The following TMEM101 variants were observed in gnomAD, a reference collection of about 807,000 sequenced individuals.
The protein encoded by TMEM101 is putative NF-kappa-B-activating protein 130.
In TMEM101, 14 loss-of-function variants were observed where a neutral mutation model predicts 26.0. That is an observed-to-expected ratio of 0.54 (90% CI 0.36 to 0.84). The LOEUF is 0.84. Among genes scored for constraint, TMEM101 ranks in the 40% least tolerant of loss-of-function variants. The probability of loss-of-function intolerance (pLI) is 0.01; values close to 1 mark genes in which losing one functional copy is unlikely to be tolerated. For missense variants in TMEM101, 292 were observed against 345.1 expected (o/e 0.85, Z 1.22); for synonymous variants, 152 against 145.1 (o/e 1.05, Z -0.34).
chr17:44,012,653 A>T (rs2049175687), intron 3 of TMEM101: 1 of 412,358 alleles, frequency 2.4e-6, no homozygotes, highest in African/African-American at 2.0e-5. Flanking sequence ...CATCAGCTCT[A>T]GGGGGCAGAG....
chr17:44,015,139 C>CA, upstream of TMEM101: 1 of 663,920 alleles, frequency 1.5e-6, no homozygotes. Context: ...ATGGAGCCTT[C>CA]AGGGCCATAT....
upstream of TMEM101, chr17:44,023,172 G>A (rs765674251): frequency 3.4e-4 from 62 of 181,866 alleles, no homozygotes; most frequent in Non-Finnish European, 6.4e-4. Flanking sequence ...CTTTTGTAAC[G>A]AGTTGTTTGG....
chr17:44,017,670 G>A (rs1354359974), upstream of TMEM101, among the ~76,000 whole-genome samples: 1 of 151,414 alleles, frequency 6.6e-6, no homozygotes, highest in Non-Finnish European at 1.5e-5. Context: ...GGCTGAGGCA[G>A]GAGAATTGCT....
chr17:44,014,632 C>T (rs2049205938), intron 1 of TMEM101, 95 bp from the exon 2 acceptor site: 4 of 1,522,386 alleles, frequency 2.6e-6, no homozygotes, highest in Non-Finnish European at 3.6e-6. Flanking sequence ...CCACTGCTCC[C>T]CCAAACCAGA....
At chr17:44,014,973 T>C (rs1426902667), upstream of TMEM101, 1 of 1,600,792 alleles carries the variant, frequency 6.2e-7, no homozygotes, top group Non-Finnish European at 8.5e-7. Context: ...GGCAGTCCGC[T>C]GCGGCCTCAC....
intron 1 of TMEM101, among the ~76,000 whole-genome samples, chr17:44,022,835 C>G (rs988865772): frequency 1.3e-5 from 2 of 152,106 alleles, no homozygotes; most frequent in South Asian, 4.1e-4. Flanking sequence ...CAAAAATGTT[C>G]TGTGTGAGAG....
At position 44,011,968 on chromosome 17, in the gene TMEM101, C is replaced by T; in HGVS notation, c.734G>A (p.Gly245Asp). The T allele has an allele frequency of 6.2e-7, 1 of 1,613,726 alleles. No homozygotes were observed. The highest frequency in any genetic ancestry group is 8.5e-7 in the Non-Finnish European group (1 of 1,179,752). The change falls in exon 4 of 4, where the codon GGC (glycine) becomes GAC (aspartate). Residue 245 changes from glycine (G) to aspartate (D), a missense_variant. Physicochemically the swap from Gly to Asp is moderately conservative, Grantham distance 94. Around this residue, in one of 2 missense-constraint regions of TMEM101, gnomAD observed 149 missense variants for 211.9 expected, o/e 0.70. Transcript: ENST00000206380. Reference sequence around the variant, plus strand: ...CAGGATGACAGCAGTTCCGAAGATGCCCACACTCTCTCCAAGGAGCTTCAT... The same window carrying T: ...CAGGATGACAGCAGTTCCGAAGATGTCCACACTCTCTCCAAGGAGCTTCAT... ...NQMKLLGESVGIFGTAVILAT... is the reference protein window; with the variant it reads ...NQMKLLGESVDIFGTAVILAT...
At chr17:44,019,318 A>T, upstream of TMEM101, 1 of 430,312 alleles carries the variant, frequency 2.3e-6, no homozygotes, top group Non-Finnish European at 4.6e-6. Flanking sequence ...CACTCACCAG[A>T]CTATGGCGGA....
upstream of TMEM101, among the ~76,000 whole-genome samples, chr17:44,017,728 A>G (rs1276433315): frequency 6.7e-6 from 1 of 149,830 alleles, no homozygotes; most frequent in East Asian, 2.0e-4. Context: ...GCGCCATTGC[A>G]CTCCAGCCTG....
At chr17:44,020,449 G>T (rs546323232) in intron 2 of TMEM101, among the ~76,000 whole-genome samples, 1 of 152,158 alleles carries the variant, frequency 6.6e-6, no homozygotes, top group Non-Finnish European at 1.5e-5. Flanking sequence ...GGCCAGGCGC[G>T]GTGGCTCACA....
chr17:44,013,883 A>G (rs568641319), intron 2 of TMEM101, among the ~76,000 whole-genome samples: 1 of 152,212 alleles, frequency 6.6e-6, no homozygotes, highest in East Asian at 1.9e-4. Context: ...TCTCTTCCTC[A>G]AGGACAGTGC....
upstream of TMEM101, chr17:44,015,003 G>A (rs2144018547): frequency 1.3e-6 from 2 of 1,553,640 alleles, no homozygotes; most frequent in East Asian, 2.3e-5. Flanking sequence ...AGAAGCAGGC[G>A]CGGGGATGGG....
chr17:44,014,298 A>G, intron 2 of TMEM101, 59 bp downstream of exon 2: 1 of 1,518,302 alleles, frequency 6.6e-7, no homozygotes, highest in Non-Finnish European at 8.9e-7. Context: ...AGCCCTGGGC[A>G]TTGGCCTCTG....
chr17:44,012,871 G>T, intron 3 of TMEM101, 138 bp downstream of exon 3: 1 of 992,896 alleles, frequency 1.0e-6, no homozygotes. Flanking sequence ...AGCTGGCCAG[G>T]GCAATTCCCA....
upstream of TMEM101, among the ~76,000 whole-genome samples, chr17:44,016,159 G>C (rs977691288): frequency 6.6e-6 from 1 of 151,522 alleles, no homozygotes; most frequent in African/African-American, 2.4e-5. Context: ...ATATATATCT[G>C]CTTTACATAT....
Position 44,014,217 on chromosome 17 carries a change from T to C in TMEM101, c.318+140A>G, listed in dbSNP as rs1227455858. ...CCATTTCTGCGCTCTGTAATCTCCA[T>C]AAGCCAAGGGGTTCGAACCTCCCAG... On this transcript the variant is annotated intron_variant, in intron 2 of 3. Coordinates refer to ENST00000206380, the MANE Select transcript of TMEM101 (RefSeq NM_032376.4). 1.6e-5 allele frequency: 16 copies of C among 973,888 alleles called. No individual in the cohort carries two copies. In the East Asian group the frequency reaches 4.0e-4, roughly 24 times the overall value. The allele number at this position is 973,888 out of a possible 1,614,324, so 60.3% of individuals were successfully genotyped here. A position where few individuals can be genotyped will look rare whatever the true frequency, so the allele number is the denominator to read the frequency against.
chr17:44,022,164 T>A (rs1597875478), intron 1 of TMEM101, among the ~76,000 whole-genome samples: 1 of 152,222 alleles, frequency 6.6e-6, no homozygotes, highest in East Asian at 1.9e-4. Context: ...TTCCTTTTTA[T>A]TGGTAGGGGT....
upstream of TMEM101, chr17:44,019,303 C>G (rs1265291828): frequency 2.4e-6 from 1 of 421,454 alleles, no homozygotes; most frequent in South Asian, 1.7e-5. Flanking sequence ...GAGAGTCGGA[C>G]ACTGCACTCA....
chr17:44,014,022 C>T (rs2144013232), intron 2 of TMEM101, among the ~76,000 whole-genome samples: 2 of 152,200 alleles, frequency 1.3e-5, no homozygotes, highest in Middle Eastern at 6.8e-3. Context: ...GTCCTTTGTA[C>T]CCCATGAGTC....
Sources: gnomAD v4.1 joint callset for allele counts (sites outside exome capture counted in the v4.1 genomes callset) on GRCh38, gnomAD v4.1.1 for gene constraint, gnomAD v4.1.1 regional missense constraint, MANE v1.5 for transcripts, NCBI Gene and HGNC (gene_info 2026-07-23, HGNC 2026-07-21) for gene names.